Variants in DNAJC10 observed in about 807,000 individuals in gnomAD.
DNAJC10 encodes endoplasmic reticulum disulfide reductase DNAJC10.
Under a neutral mutation model 115.0 loss-of-function variants are expected in DNAJC10, and 101 were observed. The ratio of observed to expected loss-of-function variants is 0.88; its 90% CI spans 0.75 to 1.04. The LOEUF is 1.04. Among genes scored for constraint, DNAJC10 ranks in the 50% least tolerant of loss-of-function variants. The pLI is 0.00. For synonymous variants in DNAJC10, 307 were observed against 301.5 expected, an observed-to-expected ratio of 1.02 and a Z score of -0.19; for missense variants, 981 against 928.8, an observed-to-expected ratio of 1.06 and a Z score of -0.73.
In DNAJC10 at chr2:182,751,887, G is replaced by T. The variant is rs1694030404; in HGVS notation, c.1434+102G>T. On this transcript the variant is annotated intron_variant, in intron 15 of 23. Transcript: ENST00000264065. ...ACTTTGAATCATTAGTACAAAAACT[G>T]TGTCATTCCATTATGGCCACTAATG... The T allele has an allele frequency of 4.1e-6, 6 of 1,448,958 alleles. No homozygotes were observed. The South Asian group carries it at 7.8e-5, about 19-fold the overall frequency. The allele number at this position is 1,448,958 out of a possible 1,614,324, so 89.8% of individuals were successfully genotyped here. A position where few individuals can be genotyped will look rare whatever the true frequency, so the allele number is the denominator to read the frequency against.
chr2:182,721,635 T>G (rs1369402893), intron 4 of DNAJC10, among the ~76,000 whole-genome samples: 5 of 152,164 alleles, frequency 3.3e-5, no homozygotes, highest in African/African-American at 1.2e-4. Context: ...TTTTCGATAT[T>G]GTGCTATATA....
chr2:182,793,865 C>CACACACACACACACA lies in DNAJC10; in HGVS notation c.*16733_*16734insACACACACACACACA, dbSNP rs762998367. On this transcript the variant is annotated 3_prime_UTR_variant, in exon 24 of 24. Transcript: ENST00000264065. ...ACACACACACACACACACACACACACTACCTACAAAAAAATAACAATTAGA... is the reference window on the plus strand; with the variant it reads ...ACACACACACACACACACACACACACACACACACACACACATACCTACAAAAAAATAACAATTAGA... 1.4e-5 allele frequency: 2 copies of CACACACACACACACA among 143,802 alleles called. No individual in the cohort carries two copies. Among genetic ancestry groups the CACACACACACACACA allele is most frequent in the African/African-American group, 5.1e-5 (2 of 39,328 alleles). 8.9% of individuals were successfully genotyped at this position (143,802 alleles called of 1,614,324 possible). A position where few individuals can be genotyped will look rare whatever the true frequency, so the allele number is the denominator to read the frequency against.
intron 23 of DNAJC10, among the ~76,000 whole-genome samples, chr2:182,775,700 T>A (rs887007066): frequency 1.3e-5 from 2 of 152,058 alleles, no homozygotes; most frequent in Non-Finnish European, 2.9e-5. Flanking sequence ...TCATTCATAA[T>A]AGCAAAAAAA....
intron 8 of DNAJC10, 53 bp downstream of exon 8, chr2:182,729,994 T>G: frequency 7.7e-7 from 1 of 1,294,146 alleles, no homozygotes; most frequent in South Asian, 1.3e-5. Flanking sequence ...GAAATCAGTA[T>G]TTTGTTTTTA....
intron 16 of DNAJC10, chr2:182,752,719 A>G (rs1694054957): frequency 4.4e-6 from 1 of 226,058 alleles, no homozygotes; most frequent in Non-Finnish European, 7.4e-6. Context: ...TGGGCAAAAA[A>G]AAAAAAAAAA....
chr2:182,735,829 A>T (rs1011800018), intron 10 of DNAJC10, among the ~76,000 whole-genome samples: 5 of 152,188 alleles, frequency 3.3e-5, no homozygotes, highest in Non-Finnish European at 7.4e-5. Flanking sequence ...TTGTAGACAC[A>T]TACAGAGAAT....
intron 11 of DNAJC10, among the ~76,000 whole-genome samples, chr2:182,737,647 ATACT>A (rs1693617067): frequency 6.6e-6 from 1 of 152,184 alleles, no homozygotes; most frequent in Non-Finnish European, 1.5e-5. Flanking sequence ...GTGTGTGTAC[ATACT>A]TACATATCAC....
At chr2:182,733,827 A>AGATAGATTGATT (rs1354983574) in intron 10 of DNAJC10, among the ~76,000 whole-genome samples, 1 of 143,914 alleles carries the variant, frequency 6.9e-6, no homozygotes, top group Non-Finnish European at 1.6e-5. Flanking sequence ...ATAGATAGAT[A>AGATAGATTGATT]GATTTTCTAC....
At chr2:182,731,477 T>TTA (rs932546074) in intron 9 of DNAJC10, among the ~76,000 whole-genome samples, 3 of 152,094 alleles carry the variant, frequency 2.0e-5, no homozygotes, top group African/African-American at 4.8e-5. Context: ...TGCTTCATGC[T>TTA]TATATATATC....
At chr2:182,751,829 C>G (rs767960041) in intron 15 of DNAJC10, 44 bp downstream of exon 15, 1 of 1,591,388 alleles carries the variant, frequency 6.3e-7, no homozygotes, top group Non-Finnish European at 8.5e-7. Context: ...GTCAGATCTT[C>G]TCCTGTTATG....
chr2:182,728,543 A>T, intron 5 of DNAJC10, 33 bp from the exon 6 acceptor site: 1 of 1,498,498 alleles, frequency 6.7e-7, no homozygotes, highest in South Asian at 1.2e-5. Context: ...TTAATAAATA[A>T]TTCTAAGTTG....
intron 22 of DNAJC10, among the ~76,000 whole-genome samples, chr2:182,774,916 G>A (rs763769803): frequency 6.6e-5 from 10 of 152,250 alleles, no homozygotes; most frequent in Non-Finnish European, 1.3e-4. Flanking sequence ...TCAGTTGGAA[G>A]TGCAGAAATC....
rs1224883812 is a variant in DNAJC10, at chr2:182,792,935, A to G, written c.*15803A>G. The G allele has an allele frequency of 6.6e-6, 1 of 152,198 alleles. No individual in the cohort carries two copies. Among genetic ancestry groups the G allele is most frequent in the African/African-American group, 2.4e-5 (1 of 41,444 alleles). 9.4% of individuals were successfully genotyped at this position (152,198 alleles called of 1,614,324 possible). On this transcript the variant is annotated 3_prime_UTR_variant, in exon 24 of 24. Coordinates refer to ENST00000264065, the MANE Select transcript of DNAJC10 (RefSeq NM_018981.4). ...TAAACAATTAATATAAGCAAATGTT[A>G]AGTATGTTAGAAGTATGTTAGAAGA... is the stretch of plus-strand genomic sequence containing the variant.
In DNAJC10 at chr2:182,718,093, G is replaced by A. The variant is rs780880333; in HGVS notation, c.7G>A (p.Val3Ile). The change falls in exon 3 of 24, where the codon GTC (valine) becomes ATC (isoleucine). Residue 3 changes from valine to isoleucine, a missense_variant. Physicochemically the swap from Val to Ile is conservative, Grantham distance 29. Coordinates refer to ENST00000264065, the MANE Select transcript of DNAJC10 (RefSeq NM_018981.4). The part of the protein sequence containing the change: MG[V>I]WLNKDDYIRD... ...AACTTGCATAAGAAAGAGAATGGGA[G>A]TCTGGTTAAATAAAGATGACTATAT... 1 of 1,598,744 alleles carries A rather than the reference G, an allele frequency of 6.3e-7. No homozygotes were observed. Among genetic ancestry groups the A allele is most frequent in the Non-Finnish European group, 8.5e-7 (1 of 1,171,998 alleles).
intron 22 of DNAJC10, among the ~76,000 whole-genome samples, chr2:182,763,042 A>G (rs1489662314): frequency 2.6e-5 from 4 of 152,150 alleles, no homozygotes; most frequent in Non-Finnish European, 5.9e-5. Flanking sequence ...TAGGAAAACT[A>G]CTAGAAAGAG....
In DNAJC10 at chr2:182,785,019, T is replaced by G. The variant is rs909149424; in HGVS notation, c.*7887T>G. ...AAAATATCCTGAATTATCAGTCAGT[T>G]ATGTTTGACTATGAGAAATTGCAGA... On this transcript the variant is annotated 3_prime_UTR_variant, in exon 24 of 24. Coordinates refer to ENST00000264065, the MANE Select transcript of DNAJC10 (RefSeq NM_018981.4). 1.3e-5 allele frequency: 2 copies of G among 152,232 alleles called. No homozygotes were observed. The highest frequency in any genetic ancestry group is 2.9e-5 in the Non-Finnish European group (2 of 68,040). 9.4% of individuals were successfully genotyped at this position (152,232 alleles called of 1,614,324 possible). A position where few individuals can be genotyped will look rare whatever the true frequency, so the allele number is the denominator to read the frequency against.
At position 182,728,843 on chromosome 2, in the gene DNAJC10, GTTTTC is replaced by G. The variant is rs1693359629; in HGVS notation, c.502-15_502-11del. On this transcript the variant is annotated splice_polypyrimidine_tract_variant and intron_variant, in intron 6 of 23. Coordinates refer to ENST00000264065, the MANE Select transcript of DNAJC10 (RefSeq NM_018981.4). Reference sequence around the variant, plus strand: ...AAAAGTGGTCTTATCAGAGAAATATGTTTTCTTTTTCTGTCATAGTGGAGAGACTT... The same window carrying G: ...AAAAGTGGTCTTATCAGAGAAATATGTTTTTCTGTCATAGTGGAGAGACTT... 6.2e-7 allele frequency: 1 copy of G among 1,613,380 alleles called. No individual in the cohort carries two copies. Among genetic ancestry groups the G allele is most frequent in the South Asian group, 1.1e-5 (1 of 91,030 alleles).
chr2:182,759,000 T>A, intron 20 of DNAJC10, 110 bp downstream of exon 20: 1 of 1,091,944 alleles, frequency 9.2e-7, no homozygotes, highest in Non-Finnish European at 1.3e-6. Context: ...CATTTTAAAT[T>A]ACTTAGTAAA....
At chr2:182,775,651 G>T (rs1299836633) in intron 23 of DNAJC10, among the ~76,000 whole-genome samples, 1 of 152,086 alleles carries the variant, frequency 6.6e-6, no homozygotes, top group African/African-American at 2.4e-5. Flanking sequence ...AGTGACTGTG[G>T]TCCATGCAAA....
Sources: gnomAD v4.1 joint callset for allele counts (sites outside exome capture counted in the v4.1 genomes callset) on GRCh38, gnomAD v4.1.1 for gene constraint, MANE v1.5 for transcripts, NCBI Gene and HGNC (gene_info 2026-07-23, HGNC 2026-07-21) for gene names.